Variants in APOLD1 observed in about 807,000 individuals in gnomAD.
The protein encoded by APOLD1 is apolipoprotein L domain containing 1.
Under a neutral mutation model 15.3 loss-of-function variants are expected in APOLD1, and 22 were observed. That is an observed-to-expected ratio of 1.44 (90% confidence interval 1.03 to 2.05). The LOEUF (loss-of-function observed/expected upper bound fraction) is 2.05. Among genes scored for constraint, APOLD1 ranks in the 30% most tolerant of loss-of-function variants. The pLI is 0.00. For missense variants in APOLD1, 394 were observed against 353.5 expected (o/e 1.11, Z -0.92); for synonymous variants, 190 against 167.4 (o/e 1.13, Z -1.04).
In APOLD1 at chr12:12,746,518, C is replaced by A. The variant is rs202203879; in HGVS notation, c.96+20422C>A. 1.8e-3 allele frequency among the ~76,000 whole-genome samples: 167 copies of A among 92,156 alleles called. 3 individuals carry two copies. In the East Asian group the frequency reaches 0.031, roughly 17 times the overall value. The allele number at this position is 92,156 out of a possible 152,430, so 60.5% of individuals were successfully genotyped here. Reference sequence around the variant, plus strand: ...TCTCAAATAAATAAATAAATAAATACATAAATACATACATACATATTGCTC... The same window carrying A: ...TCTCAAATAAATAAATAAATAAATAAATAAATACATACATACATATTGCTC... On this transcript the variant is annotated intron_variant, in intron 1 of 1. Transcript: ENST00000326765.
intron 1 of APOLD1, among the ~76,000 whole-genome samples, chr12:12,729,420 T>C (rs955888460): frequency 3.3e-5 from 5 of 152,082 alleles, no homozygotes; most frequent in East Asian, 1.9e-4. Flanking sequence ...ATTCATAAGA[T>C]GTAATTTTTT....
chr12:12,771,188 T>A (rs74799165), intron 1 of APOLD1, among the ~76,000 whole-genome samples: 15,973 of 152,260 alleles, frequency 0.1, 1,067 homozygotes, highest in Non-Finnish European at 0.14. Flanking sequence ...GAAGATAAAA[T>A]TTTAAAAACT....
At chr12:12,756,731 T>C (rs901881421) in intron 1 of APOLD1, among the ~76,000 whole-genome samples, 9 of 152,208 alleles carry the variant, frequency 5.9e-5, no homozygotes, top group African/African-American at 2.2e-4. Context: ...TAAAGTTGTC[T>C]AGTCTAGGTA....
In APOLD1 at chr12:12,787,066, T is replaced by C. The variant is rs1164404461; in HGVS notation, c.161T>C (p.Val54Ala). The part of the protein sequence containing the change: ...RLERLRRRSL[V>A]ANVAGSSLSA... Reference sequence around the variant, plus strand: ...GAGCGCCTGCGCAGGCGCTCCCTCGTAGCCAACGTGGCCGGCAGCTCGCTG... The same window carrying C: ...GAGCGCCTGCGCAGGCGCTCCCTCGCAGCCAACGTGGCCGGCAGCTCGCTG... Residue 54 changes from valine to alanine, a missense_variant, in exon 2 of 2, where the codon GTA (valine) becomes GCA (alanine). By Grantham distance (64) the Val-to-Ala change is moderately conservative. Coordinates refer to ENST00000356591, the MANE Select transcript of APOLD1 (RefSeq NM_030817.3). The surrounding 1 kb of genome is among the most constrained non-coding windows in gnomAD (Gnocchi z 4.9). 7.2e-7 allele frequency: 1 copy of C among 1,389,286 alleles called. No individual in the cohort carries two copies. The highest frequency in any genetic ancestry group is 2.6e-4 in the Middle Eastern group (1 of 3,880). 86.1% of individuals were successfully genotyped at this position (1,389,286 alleles called of 1,614,324 possible). A position where few individuals can be genotyped will look rare whatever the true frequency, so the allele number is the denominator to read the frequency against.
chr12:12,733,611 C>CT (rs531712295), intron 1 of APOLD1, among the ~76,000 whole-genome samples: 31 of 151,088 alleles, frequency 2.1e-4, no homozygotes, highest in South Asian at 1.3e-3. Flanking sequence ...AATTTTTTTT[C>CT]TTTTTTTTTG....
At chr12:12,754,176 A>G (rs11055046) in intron 1 of APOLD1, among the ~76,000 whole-genome samples, 2 of 139,290 alleles carry the variant, frequency 1.4e-5, no homozygotes, top group Admixed American at 7.4e-5. Flanking sequence ...GCACTCCAGC[A>G]TGGGCGACAG....
chr12:12,746,046 G>C lies in APOLD1; in HGVS notation c.96+19950G>C, dbSNP rs577358320. Among the ~76,000 whole-genome samples, 5 of 152,200 alleles carry C rather than the reference G, an allele frequency of 3.3e-5. No individual in the cohort carries two copies. In the East Asian group the frequency reaches 9.6e-4, roughly 29 times the overall value. ...CCATGTGGTGTCATCTGGCAGCTCC[G>C]TGATCACTCAGGAAATTAATTTTAC... is the stretch of plus-strand genomic sequence containing the variant. On this transcript the variant is annotated intron_variant, in intron 1 of 1. Transcript: ENST00000326765.
At chr12:12,756,902 T>A (rs1946861132) in intron 1 of APOLD1, among the ~76,000 whole-genome samples, 1 of 152,178 alleles carries the variant, frequency 6.6e-6, no homozygotes, top group African/African-American at 2.4e-5. Context: ...TTCTCCTGCC[T>A]CTGTCTCCAG....
chr12:12,738,888 A>C (rs577000931), intron 1 of APOLD1, among the ~76,000 whole-genome samples: 21 of 152,354 alleles, frequency 1.4e-4, no homozygotes, highest in African/African-American at 5.1e-4. Context: ...GCGATGCCAC[A>C]CCAACTCTGT....
rs148227966 is a variant in APOLD1 at position 12,747,355 on chromosome 12, GCT to G, written c.96+21260_96+21261del. On this transcript the variant is annotated intron_variant, in intron 1 of 1. Coordinates refer to the APOLD1 transcript ENST00000326765. ...GGGAGTTGCTTTAGTGTAACACCTG[GCT>G]TTTCTCTGCCTTTTCCTAACTCTGC... Among the ~76,000 whole-genome samples the G allele has an allele frequency of 5.2e-3, 785 of 152,258 alleles. 5 individuals carry two copies. The highest frequency in any genetic ancestry group is 0.018 in the African/African-American group (747 of 41,538).
chr12:12,748,266 G>A (rs182661791), intron 1 of APOLD1, among the ~76,000 whole-genome samples: 4 of 152,274 alleles, frequency 2.6e-5, no homozygotes, highest in African/African-American at 2.4e-5. Flanking sequence ...GTGTTAGCAC[G>A]AGGTAATGTA....
At chr12:12,770,403 T>C (rs1397700041) in intron 1 of APOLD1, among the ~76,000 whole-genome samples, 1 of 151,772 alleles carries the variant, frequency 6.6e-6, no homozygotes, top group East Asian at 1.9e-4. Flanking sequence ...AGACTTCATC[T>C]CAAAAACAAC....
intron 1 of APOLD1, among the ~76,000 whole-genome samples, chr12:12,758,099 TC>T (rs200330550): frequency 0.024 from 1,797 of 76,216 alleles, 78 homozygotes; most frequent in African/African-American, 0.098. Flanking sequence ...TGGCTTTTTT[TC>T]TTTTTTTTTT....
chr12:12,765,995 G>C (rs754117267), intron 1 of APOLD1, among the ~76,000 whole-genome samples: 1 of 152,142 alleles, frequency 6.6e-6, no homozygotes, highest in Non-Finnish European at 1.5e-5. Context: ...AATAAAAGGG[G>C]AGTTGAAAAA....
chr12:12,727,819 T>C (rs1946605125), intron 1 of APOLD1, among the ~76,000 whole-genome samples: 1 of 151,332 alleles, frequency 6.6e-6, no homozygotes, highest in Non-Finnish European at 1.5e-5. Context: ...AGGCTGGTCT[T>C]GAACTTCTGG....
intron 1 of APOLD1, among the ~76,000 whole-genome samples, chr12:12,734,966 A>G (rs897790236): frequency 5.9e-5 from 9 of 152,208 alleles, no homozygotes; most frequent in African/African-American, 2.2e-4. Context: ...AAGGGACCTC[A>G]GAGCTTCTGC....
chr12:12,734,592 C>G (rs934384640), intron 1 of APOLD1, among the ~76,000 whole-genome samples: 2 of 152,182 alleles, frequency 1.3e-5, no homozygotes, highest in Non-Finnish European at 2.9e-5. Flanking sequence ...GTTTCCTAGT[C>G]AAGATCACAC....
chr12:12,726,245 C>A, intron 1 of APOLD1: 1 of 733,904 alleles, frequency 1.4e-6, no homozygotes, highest in African/African-American at 1.8e-5. Context: ...TTCAGCCAGT[C>A]GGTGTCATTT....
At chr12:12,778,382 T>C (rs954581894) in intron 1 of APOLD1, among the ~76,000 whole-genome samples, 1 of 151,472 alleles carries the variant, frequency 6.6e-6, no homozygotes, top group Non-Finnish European at 1.5e-5. Context: ...TGCAATGGTG[T>C]GACCATGGCT....
Sources: allele counts gnomAD v4.1 joint callset (sites outside exome capture counted in the v4.1 genomes callset), GRCh38; gene constraint gnomAD v4.1.1; non-coding constraint Gnocchi (gnomAD v3.1); transcripts MANE v1.5; gene names NCBI Gene and HGNC (gene_info 2026-07-23, HGNC 2026-07-21).